The following KIF5C variants were observed in gnomAD, a reference collection of about 807,000 sequenced individuals.
KIF5C encodes the protein kinesin family member 5C.
A neutral mutation model predicts 125.2 loss-of-function variants in KIF5C; 18 were observed. The ratio of observed to expected loss-of-function variants is 0.14; its 90% CI spans 0.10 to 0.21. The LOEUF (loss-of-function observed/expected upper bound fraction) is 0.21, where lower values mean the gene tolerates loss of function less well. KIF5C is among the 10% of genes least tolerant of loss of function. KIF5C has a pLI of 1.00. For synonymous variants in KIF5C, 405 were observed against 434.0 expected (o/e 0.93, Z 0.83); for missense variants, 780 against 1,183.8 (o/e 0.66, Z 5.01).
At chr2:148,886,821 C>G (rs1401904630) in intron 1 of KIF5C, among the ~76,000 whole-genome samples, 1 of 152,186 alleles carries the variant, frequency 6.6e-6, no homozygotes, top group African/African-American at 2.4e-5. Flanking sequence ...CACCCAGACT[C>G]CCCTAGGATA....
chr2:148,993,132 C>T (rs1681571390), intron 16 of KIF5C, among the ~76,000 whole-genome samples: 1 of 152,192 alleles, frequency 6.6e-6, no homozygotes, highest in South Asian at 2.1e-4. Flanking sequence ...TCTAGGTCCC[C>T]AGTACTCTGA....
chr2:148,993,395 T>C (rs1316397108), intron 16 of KIF5C, among the ~76,000 whole-genome samples: 1 of 152,200 alleles, frequency 6.6e-6, no homozygotes, highest in Non-Finnish European at 1.5e-5. Flanking sequence ...AGGTGGAGGT[T>C]TGCACTCTGC....
At chr2:148,934,583 C>T (rs749828867) in intron 3 of KIF5C, among the ~76,000 whole-genome samples, 5 of 150,432 alleles carry the variant, frequency 3.3e-5, no homozygotes, top group Non-Finnish European at 5.9e-5. Flanking sequence ...ACTCTGCATA[C>T]ATCATACAGA....
intron 13 of KIF5C, among the ~76,000 whole-genome samples, chr2:148,979,514 G>C (rs58321822): frequency 0.12 from 18,029 of 152,150 alleles, 1,551 homozygotes; most frequent in African/African-American, 0.23. Context: ...CCTCTGGCTT[G>C]GCTCCTGCCT....
chr2:148,970,981 C>G (rs1455430998), intron 11 of KIF5C, among the ~76,000 whole-genome samples: 1 of 152,184 alleles, frequency 6.6e-6, no homozygotes, highest in Non-Finnish European at 1.5e-5. Context: ...TCTGGTACAG[C>G]TAAGAATTTC....
intron 11 of KIF5C, among the ~76,000 whole-genome samples, chr2:148,969,455 G>T (rs1371636927): frequency 6.6e-6 from 1 of 151,448 alleles, no homozygotes; most frequent in Non-Finnish European, 1.5e-5. Context: ...GTGTGTGTGT[G>T]TGTGTGTATG....
chr2:148,972,643 C>T (rs1399096932), intron 11 of KIF5C, among the ~76,000 whole-genome samples: 1 of 152,202 alleles, frequency 6.6e-6, no homozygotes, highest in East Asian at 1.9e-4. Flanking sequence ...AGGATCTCTG[C>T]AAGATAGTCT....
At chr2:148,987,102 C>G (rs1285637508) in intron 15 of KIF5C, among the ~76,000 whole-genome samples, 1 of 152,088 alleles carries the variant, frequency 6.6e-6, no homozygotes, top group Non-Finnish European at 1.5e-5. Context: ...GGCCAGAAGC[C>G]AGAAAGAAGC....
intron 4 of KIF5C, 77 bp downstream of exon 4, chr2:148,937,465 G>A: frequency 6.7e-7 from 1 of 1,483,054 alleles, no homozygotes; most frequent in Admixed American, 2.4e-5. Context: ...CTTTCAAGAA[G>A]ATATAAAAGA....
At chr2:148,907,636 C>T (rs1037244733) in intron 1 of KIF5C, among the ~76,000 whole-genome samples, 9 of 152,206 alleles carry the variant, frequency 5.9e-5, no homozygotes, top group Admixed American at 5.9e-4. Context: ...CTAGTGCTTC[C>T]TGACCTGAAA....
intron 10 of KIF5C, among the ~76,000 whole-genome samples, chr2:148,951,792 A>C (rs1437230303): frequency 1.3e-5 from 2 of 152,018 alleles, no homozygotes; most frequent in Non-Finnish European, 1.5e-5. Context: ...TCTCCCTGGG[A>C]GTGTGTGTTG....
rs1433098321 is a variant in KIF5C at position 148,983,661 on chromosome 2, A to G, written c.1611A>G (p.Gln537=). Residue 537 remains glutamine, a synonymous_variant, in exon 15 of 26, where the codon CAA becomes CAG. Transcript: ENST00000435030. The part of the protein sequence containing the change: ...TTTQRELSQL[Q]ELSNHQKKRA... ...CACAGAGAGAGCTGAGCCAGCTACA[A>G]GAGCTTAGCAACCACCAGAAGAAAA... is the stretch of plus-strand genomic sequence containing the variant. 3.1e-6 allele frequency: 5 copies of G among 1,608,354 alleles called. No individual in the cohort carries two copies. The highest frequency in any genetic ancestry group is 4.3e-6 in the Non-Finnish European group (5 of 1,176,298).
At chr2:148,890,907 T>C (rs752098286) in intron 1 of KIF5C, among the ~76,000 whole-genome samples, 2 of 152,164 alleles carry the variant, frequency 1.3e-5, no homozygotes, top group Non-Finnish European at 2.9e-5. Context: ...TAATTAATAG[T>C]TGGAGGATGA....
At chr2:148,994,559 C>A in intron 17 of KIF5C, 21 bp downstream of exon 17, 3 of 1,551,914 alleles carry the variant, frequency 1.9e-6, no homozygotes, top group Non-Finnish European at 2.6e-6. Flanking sequence ...GACTAACGTG[C>A]AGGTGTCAAA....
rs141297295 is a variant in KIF5C at position 148,931,415 on chromosome 2, G to C, written c.291+2061G>C. ...TTAAAACTAATATGGGAGGCCAGGC[G>C]TGGTGGCTTACACCTGTAATCCCAG... On this transcript the variant is annotated intron_variant, in intron 3 of 25. Transcript: ENST00000435030. 7.0e-3 allele frequency among the ~76,000 whole-genome samples: 1,069 copies of C among 152,272 alleles called. 17 individuals are homozygous for C. The highest frequency in any genetic ancestry group is 0.065 in the Middle Eastern group (19 of 294).
chr2:148,942,791 C>A, intron 7 of KIF5C, 31 bp downstream of exon 7: 2 of 1,590,200 alleles, frequency 1.3e-6, no homozygotes, highest in South Asian at 1.1e-5. Flanking sequence ...TCCTCCCCTG[C>A]AGCTTGGGAG....
intron 1 of KIF5C, among the ~76,000 whole-genome samples, chr2:148,898,747 C>G (rs992832378): frequency 2.0e-5 from 3 of 152,188 alleles, no homozygotes; most frequent in Admixed American, 6.5e-5. Context: ...CCCAGTGAGA[C>G]TCAAGTTGGA....
Position 149,005,406 on chromosome 2 carries a change from A to G in KIF5C, c.2387A>G (p.Gln796Arg). 1 of 1,613,794 alleles carries G rather than the reference A, an allele frequency of 6.2e-7. No homozygotes were observed. The highest frequency in any genetic ancestry group is 8.5e-7 in the Non-Finnish European group (1 of 1,179,802). The stretch of plus-strand genomic sequence containing the variant: ...AATCTCTTCCAGTCTAGAGAATTGC[A>G]GACACTGCACAACCTTCGGAAACTC... ...GLEETVSREL[Q>R]TLHNLRKLFV... Residue 796 changes from glutamine to arginine, a missense_variant, in exon 22 of 26, where the codon CAG becomes CGG. Gln to Arg is a conservative substitution (Grantham distance 43). Coordinates refer to ENST00000435030, the MANE Select transcript of KIF5C (RefSeq NM_004522.3).
At chr2:148,984,762 A>G (rs1471667383) in intron 15 of KIF5C, among the ~76,000 whole-genome samples, 1 of 152,176 alleles carries the variant, frequency 6.6e-6, no homozygotes. Context: ...GGGGTTGTAC[A>G]TATTGGTGCT....
Sources: allele counts gnomAD v4.1 joint callset (sites outside exome capture counted in the v4.1 genomes callset), GRCh38; gene constraint gnomAD v4.1.1; transcripts MANE v1.5; gene names NCBI Gene and HGNC (gene_info 2026-07-23, HGNC 2026-07-21).